Variants in FOXO1 observed in about 807,000 individuals in gnomAD.
The protein encoded by FOXO1 is forkhead box O1.
A neutral mutation model predicts 44.1 loss-of-function variants in FOXO1; 6 were observed. That is an observed-to-expected ratio of 0.14 (90% CI 0.07 to 0.27). The LOEUF is 0.27. Among genes scored for constraint, FOXO1 ranks in the 10% least tolerant of loss-of-function variants. The pLI is 1.00. For missense variants in FOXO1, 737 were observed against 888.8 expected (o/e 0.83, Z 2.17); for synonymous variants, 380 against 362.7 (o/e 1.05, Z -0.54).
chr13:40,590,855 T>C (rs1417686081), intron 1 of FOXO1, among the ~76,000 whole-genome samples: 2 of 152,150 alleles, frequency 1.3e-5, no homozygotes, highest in South Asian at 2.1e-4. Flanking sequence ...AAATACCAAA[T>C]TGTTCACATC....
chr13:40,559,961 C>A lies in FOXO1; in HGVS notation c.1530G>T (p.Gln510His). 6.2e-7 allele frequency: 1 copy of A among 1,614,134 alleles called. No individual in the cohort carries two copies. The change falls in exon 2 of 3, where the codon CAG becomes CAT. Residue 510 changes from glutamine (Q) to histidine (H), a missense_variant. Physicochemically the swap from Gln to His is conservative, Grantham distance 24. Coordinates refer to ENST00000379561, the MANE Select transcript of FOXO1 (RefSeq NM_002015.4). ...PNSVMSTYGS[Q>H]ASHNKMMNPS... ...GATTCATCATTTTGTTATGAGATGCCTGGCTGCCATAGGTTGACATGACCG... is the reference window on the plus strand; with the variant it reads ...GATTCATCATTTTGTTATGAGATGCATGGCTGCCATAGGTTGACATGACCG...
intron 1 of FOXO1, among the ~76,000 whole-genome samples, chr13:40,590,126 T>A (rs1875313027): frequency 6.6e-6 from 1 of 152,186 alleles, no homozygotes; most frequent in African/African-American, 2.4e-5. Context: ...GAGCAGGTCT[T>A]AAAATGTAAG....
At position 40,556,623 on chromosome 13, in the gene FOXO1, C is replaced by G. The variant is rs779419041; in HGVS notation, c.*2426G>C. 10 of 152,508 alleles carry G rather than the reference C, an allele frequency of 6.6e-5. No individual in the cohort carries two copies. The highest frequency in any genetic ancestry group is 1.5e-4 in the Non-Finnish European group (10 of 68,040). 9.4% of individuals were successfully genotyped at this position (152,508 alleles called of 1,614,324 possible). A position where few individuals can be genotyped will look rare whatever the true frequency, so the allele number is the denominator to read the frequency against. On this transcript the variant is annotated 3_prime_UTR_variant, in exon 3 of 3. Coordinates refer to ENST00000379561, the MANE Select transcript of FOXO1 (RefSeq NM_002015.4). ...TTTGCTTTCCAGACAGACCAGATGC[C>G]TTTCCCTGGACTTCACTGTTCTCAG...
At chr13:40,649,087 A>G (rs1441081143) in intron 1 of FOXO1, among the ~76,000 whole-genome samples, 1 of 152,170 alleles carries the variant, frequency 6.6e-6, no homozygotes, top group Non-Finnish European at 1.5e-5. Flanking sequence ...CACAAACCTT[A>G]AGGTTTAATA....
chr13:40,594,164 T>C (rs750908899), intron 1 of FOXO1, among the ~76,000 whole-genome samples: 6 of 152,148 alleles, frequency 3.9e-5, no homozygotes, highest in Non-Finnish European at 5.9e-5. Flanking sequence ...CAATTTCACC[T>C]CTGACTCCTT....
intron 1 of FOXO1, among the ~76,000 whole-genome samples, chr13:40,616,912 TGA>T (rs1876440867): frequency 6.6e-6 from 1 of 152,190 alleles, no homozygotes; most frequent in Non-Finnish European, 1.5e-5. Context: ...TCACTTCCAG[TGA>T]GCTTCTCGGG....
chr13:40,634,053 C>T (rs1877061580), intron 1 of FOXO1, among the ~76,000 whole-genome samples: 1 of 152,174 alleles, frequency 6.6e-6, no homozygotes, highest in Non-Finnish European at 1.5e-5. Context: ...CATACCTATT[C>T]TCTGGATGAG....
At chr13:40,656,438 C>A (rs1429899792) in intron 1 of FOXO1, among the ~76,000 whole-genome samples, 1 of 152,350 alleles carries the variant, frequency 6.6e-6, no homozygotes, top group East Asian at 1.9e-4. Context: ...TTGAATCACT[C>A]TGCTACCAGG....
intron 1 of FOXO1, chr13:40,619,596 T>C (rs1345752821): frequency 5.9e-6 from 9 of 1,518,510 alleles, no homozygotes; most frequent in South Asian, 2.2e-5. Flanking sequence ...ATATTACAAA[T>C]AGGCAACAAA....
intron 1 of FOXO1, among the ~76,000 whole-genome samples, chr13:40,567,254 T>C (rs951787961): frequency 6.6e-6 from 1 of 152,114 alleles, no homozygotes; most frequent in African/African-American, 2.4e-5. Flanking sequence ...AACTTAAGGC[T>C]GAATACACCT....
At chr13:40,570,388 A>G (rs1874441823) in intron 1 of FOXO1, among the ~76,000 whole-genome samples, 1 of 150,620 alleles carries the variant, frequency 6.6e-6, no homozygotes, top group African/African-American at 2.4e-5. Context: ...GTACTACAGG[A>G]CAAAAGAGGT....
chr13:40,566,172 G>T (rs1457838819), intron 1 of FOXO1, among the ~76,000 whole-genome samples: 1 of 152,156 alleles, frequency 6.6e-6, no homozygotes, highest in Non-Finnish European at 1.5e-5. Flanking sequence ...TGGCAGAGCA[G>T]GGACCTCAAC....
At chr13:40,577,208 T>A (rs988327228) in intron 1 of FOXO1, among the ~76,000 whole-genome samples, 2 of 100,012 alleles carry the variant, frequency 2.0e-5, no homozygotes, top group Non-Finnish European at 1.9e-5. Flanking sequence ...CCCGCCCACA[T>A]GCATACTAGA....
chr13:40,561,082 G>A (rs1873997315), intron 1 of FOXO1, among the ~76,000 whole-genome samples: 2 of 152,158 alleles, frequency 1.3e-5, no homozygotes, highest in Admixed American at 6.5e-5. Flanking sequence ...GCTGGGTGCG[G>A]TGGCTCACGC....
At chr13:40,610,573 G>T (rs1282392156) in intron 1 of FOXO1, among the ~76,000 whole-genome samples, 1 of 152,192 alleles carries the variant, frequency 6.6e-6, no homozygotes, top group African/African-American at 2.4e-5. Context: ...TCCTGATGGA[G>T]GAAATACATC....
chr13:40,574,665 G>A (rs188424244), intron 1 of FOXO1, among the ~76,000 whole-genome samples: 1 of 152,248 alleles, frequency 6.6e-6, no homozygotes, highest in Admixed American at 6.5e-5. Flanking sequence ...GAACCAACAT[G>A]TAGTCTCTGG....
At chr13:40,614,707 C>T (rs1876359892) in intron 1 of FOXO1, among the ~76,000 whole-genome samples, 1 of 152,180 alleles carries the variant, frequency 6.6e-6, no homozygotes, top group African/African-American at 2.4e-5. Context: ...ACTATTTAAA[C>T]AAATGTGAAC....
At chr13:40,643,652 C>G (rs1877424029) in intron 1 of FOXO1, among the ~76,000 whole-genome samples, 1 of 151,968 alleles carries the variant, frequency 6.6e-6, no homozygotes, top group East Asian at 1.9e-4. Context: ...AAAGATAGGT[C>G]TAAAGGTTTT....
At chr13:40,583,297 G>A (rs1319992061) in intron 1 of FOXO1, among the ~76,000 whole-genome samples, 5 of 152,122 alleles carry the variant, frequency 3.3e-5, no homozygotes, top group African/African-American at 9.7e-5. Context: ...ACTTCTTAAG[G>A]GCACTAGAAT....
Sources: gnomAD v4.1 joint callset for allele counts (sites outside exome capture counted in the v4.1 genomes callset) on GRCh38, gnomAD v4.1.1 for gene constraint, MANE v1.5 for transcripts, NCBI Gene and HGNC (gene_info 2026-07-23, HGNC 2026-07-21) for gene names.